The following CRADD variants were observed in gnomAD, a reference collection of about 807,000 sequenced individuals.
CRADD encodes CARD and death domain containing adaptor protein.
In CRADD, 9 loss-of-function variants were observed where a neutral mutation model predicts 15.5. The observed-to-expected ratio is 0.58, with a 90% CI of 0.35 to 1.01. The LOEUF is 1.01. Ranked by LOEUF, CRADD falls within the 50% of genes least tolerant of loss-of-function variation. CRADD has a pLI of 0.02. For missense variants in CRADD, 227 were observed against 250.3 expected, an observed-to-expected ratio of 0.91 and a Z score of 0.63; for synonymous variants, 118 against 107.6, an observed-to-expected ratio of 1.10 and a Z score of -0.60.
At chr12:93,734,508 T>G (rs1437757410) in intron 2 of CRADD, among the ~76,000 whole-genome samples, 2 of 152,210 alleles carry the variant, frequency 1.3e-5, no homozygotes, top group Non-Finnish European at 2.9e-5. Flanking sequence ...GTTTTCACAC[T>G]GTGTTTTTCT....
At chr12:93,813,803 C>A (rs1436727865) in intron 2 of CRADD, among the ~76,000 whole-genome samples, 2 of 151,834 alleles carry the variant, frequency 1.3e-5, no homozygotes, top group African/African-American at 4.8e-5. Context: ...GAGCTTAGAG[C>A]TGCCGAGGAA....
chr12:93,856,213 A>G (rs1290037121), intron 2 of CRADD, among the ~76,000 whole-genome samples: 2 of 152,220 alleles, frequency 1.3e-5, no homozygotes, highest in South Asian at 2.1e-4. Flanking sequence ...TAGTCCCTCA[A>G]TATCTTTATC....
intron 2 of CRADD, chr12:93,815,340 A>C (rs1283221738): frequency 6.6e-6 from 1 of 152,228 alleles, no homozygotes; most frequent in Non-Finnish European, 1.5e-5. Context: ...ATGATGTTTG[A>C]GTCACTAAGC....
chr12:93,778,708 GT>G (rs776236806), intron 2 of CRADD, among the ~76,000 whole-genome samples: 1 of 132,574 alleles, frequency 7.5e-6, no homozygotes, highest in Non-Finnish European at 1.6e-5. Flanking sequence ...CACACAGGGT[GT>G]TTTTTTTTGG....
At chr12:93,693,917 T>C (rs1955635934) in intron 2 of CRADD, among the ~76,000 whole-genome samples, 1 of 152,034 alleles carries the variant, frequency 6.6e-6, no homozygotes, top group Non-Finnish European at 1.5e-5. Flanking sequence ...AAAGAACAAA[T>C]ACCAATCTTT....
intron 2 of CRADD, among the ~76,000 whole-genome samples, chr12:93,812,952 T>A (rs1777208546): frequency 6.6e-6 from 1 of 152,252 alleles, no homozygotes; most frequent in Admixed American, 6.5e-5. Flanking sequence ...AGAATATCCT[T>A]ATTTGTCCTG....
intron 2 of CRADD, among the ~76,000 whole-genome samples, chr12:93,712,024 G>C (rs1248609135): frequency 1.3e-5 from 2 of 152,142 alleles, no homozygotes; most frequent in Non-Finnish European, 2.9e-5. Flanking sequence ...CCAAAGTGCT[G>C]GGATTACAGG....
intron 2 of CRADD, among the ~76,000 whole-genome samples, chr12:93,797,603 C>T (rs1240830958): frequency 6.6e-6 from 1 of 152,046 alleles, no homozygotes; most frequent in Non-Finnish European, 1.5e-5. Flanking sequence ...ATGTCTGGGC[C>T]ACATCTTGGT....
intron 2 of CRADD, among the ~76,000 whole-genome samples, chr12:93,812,100 G>A (rs1186805999): frequency 2.0e-5 from 3 of 152,200 alleles, no homozygotes; most frequent in African/African-American, 7.2e-5. Flanking sequence ...ATCAGTGATT[G>A]CCAGGCCTTC....
chr12:93,682,494 T>C (rs1427288573), intron 2 of CRADD, among the ~76,000 whole-genome samples: 1 of 152,224 alleles, frequency 6.6e-6, no homozygotes, highest in African/African-American at 2.4e-5. Context: ...AATGAACTGA[T>C]TTTATCTTAT....
At chr12:93,754,190 C>CT (rs967244045) in intron 2 of CRADD, among the ~76,000 whole-genome samples, 2 of 152,224 alleles carry the variant, frequency 1.3e-5, no homozygotes, top group Admixed American at 6.5e-5. Flanking sequence ...TACCTTGGCC[C>CT]TTTTTAGCCA....
intron 2 of CRADD, among the ~76,000 whole-genome samples, chr12:93,795,117 C>G (rs968828409): frequency 2.0e-5 from 3 of 152,174 alleles, no homozygotes; most frequent in Non-Finnish European, 2.9e-5. Context: ...CCTATAAAGT[C>G]CAGAAGAGCA....
intron 2 of CRADD, among the ~76,000 whole-genome samples, chr12:93,785,901 T>G (rs1957273360): frequency 6.6e-6 from 1 of 152,214 alleles, no homozygotes; most frequent in African/African-American, 2.4e-5. Context: ...TCTCAGTGAT[T>G]GTATCTTACT....
At chr12:93,808,443 A>G (rs775476062) in intron 2 of CRADD, among the ~76,000 whole-genome samples, 3 of 152,118 alleles carry the variant, frequency 2.0e-5, no homozygotes, top group African/African-American at 7.2e-5. Context: ...AACCGCCCCC[A>G]TGATTCAGTG....
intron 2 of CRADD, among the ~76,000 whole-genome samples, chr12:93,885,953 C>T (rs1233301563): frequency 3.3e-5 from 5 of 151,992 alleles, no homozygotes; most frequent in African/African-American, 7.3e-5. Context: ...GTAGGAGAAT[C>T]GCTTGAATCT....
chr12:93,793,502 A>G (rs995663600), intron 2 of CRADD, among the ~76,000 whole-genome samples: 7 of 152,180 alleles, frequency 4.6e-5, no homozygotes, highest in South Asian at 4.1e-4. Context: ...GGAAGAATAC[A>G]GTTCATACAT....
intron 2 of CRADD, among the ~76,000 whole-genome samples, chr12:93,883,199 A>T (rs960137182): frequency 6.6e-6 from 1 of 152,348 alleles, no homozygotes; most frequent in East Asian, 1.9e-4. Flanking sequence ...AGGTTTGAAG[A>T]TAATACAAAA....
At chr12:93,711,634 G>GGTTT (rs1956076418) in intron 2 of CRADD, among the ~76,000 whole-genome samples, 2 of 151,938 alleles carry the variant, frequency 1.3e-5, no homozygotes, top group Admixed American at 1.3e-4. Flanking sequence ...CCATTTTAGG[G>GGTTT]GTTTTGTACT....
intron 2 of CRADD, among the ~76,000 whole-genome samples, chr12:93,760,489 C>T (rs1310886565): frequency 2.6e-5 from 4 of 152,098 alleles, no homozygotes; most frequent in Non-Finnish European, 5.9e-5. Flanking sequence ...TTAGCAGTGT[C>T]CGTTTTCTGT....
Sources: allele counts gnomAD v4.1 joint callset (sites outside exome capture counted in the v4.1 genomes callset), GRCh38; gene constraint gnomAD v4.1.1; transcripts MANE v1.5; gene names NCBI Gene and HGNC (gene_info 2026-07-23, HGNC 2026-07-21).